Variants in RGL1 observed in about 807,000 individuals in gnomAD.
RGL1 encodes ral guanine nucleotide dissociation stimulator-like 1.
Under a neutral mutation model 95.2 loss-of-function variants are expected in RGL1, and 24 were observed. The observed-to-expected ratio is 0.25, with a 90% confidence interval of 0.18 to 0.35. The LOEUF (loss-of-function observed/expected upper bound fraction) is 0.35, where lower values mean the gene tolerates loss of function less well. Among genes scored for constraint, RGL1 ranks in the 10% least tolerant of loss-of-function variants. The pLI, the probability that RGL1 is intolerant of heterozygous loss-of-function variation, is 1.00. For synonymous variants in RGL1, 329 were observed against 344.9 expected, an observed-to-expected ratio of 0.95 and a Z score of 0.51; for missense variants, 715 against 936.3, an observed-to-expected ratio of 0.76 and a Z score of 3.08.
At chr1:183,747,639 T>C (rs917706992) in intron 2 of RGL1, among the ~76,000 whole-genome samples, 3 of 152,170 alleles carry the variant, frequency 2.0e-5, no homozygotes, top group African/African-American at 7.2e-5. Flanking sequence ...TCTACATTTA[T>C]TGATTTGCAT....
chr1:183,870,815 T>C (rs1043876250), intron 4 of RGL1, among the ~76,000 whole-genome samples: 1 of 152,196 alleles, frequency 6.6e-6, no homozygotes, highest in Non-Finnish European at 1.5e-5. Flanking sequence ...ATTTGGAAAT[T>C]TCTCTATTTG....
rs554940083 is a variant in RGL1 at position 183,812,366 on chromosome 1, T to C, written c.138+5881T>C. Among the ~76,000 whole-genome samples the C allele has an allele frequency of 2.6e-5, 4 of 152,318 alleles. No homozygotes were observed. In the South Asian group the frequency reaches 8.3e-4, roughly 32 times the overall value. On this transcript the variant is annotated intron_variant, in intron 2 of 17. Coordinates refer to ENST00000360851, the MANE Select transcript of RGL1 (RefSeq NM_001297671.3). ...GTTCTTTGGAGATTTTGGCAGTTTC[T>C]GGGTCATTTGCTAGTAAACACATCC... is the stretch of plus-strand genomic sequence containing the variant.
At chr1:183,703,532 T>G (rs529592020) in intron 1 of RGL1, among the ~76,000 whole-genome samples, 29 of 152,324 alleles carry the variant, frequency 1.9e-4, no homozygotes, top group African/African-American at 7.0e-4. Flanking sequence ...CCTTCCAGGT[T>G]TGGACTGGTA....
chr1:183,911,419 C>T (rs995533298), intron 14 of RGL1, among the ~76,000 whole-genome samples: 1 of 152,152 alleles, frequency 6.6e-6, no homozygotes, highest in Non-Finnish European at 1.5e-5. Flanking sequence ...CATTCATAAA[C>T]AGAAACCCTC....
At chr1:183,900,653 C>T (rs1667962607) in intron 11 of RGL1, among the ~76,000 whole-genome samples, 1 of 151,948 alleles carries the variant, frequency 6.6e-6, no homozygotes, top group Non-Finnish European at 1.5e-5. Context: ...TACAGGCGTG[C>T]ACCACCACGC....
At chr1:183,799,405 C>G (rs916553701) in intron 2 of RGL1, among the ~76,000 whole-genome samples, 12 of 152,158 alleles carry the variant, frequency 7.9e-5, no homozygotes, top group Admixed American at 2.0e-4. Flanking sequence ...TCCATAGTGG[C>G]TGTACCAATT....
intron 2 of RGL1, among the ~76,000 whole-genome samples, chr1:183,812,873 G>A (rs1044642183): frequency 8.5e-5 from 13 of 152,200 alleles, no homozygotes; most frequent in Non-Finnish European, 1.5e-4. Context: ...AAGGGAACCC[G>A]GTGGGAAAGG....
chr1:183,647,791 T>C (rs1174657), intron 1 of RGL1: 632,574 of 1,613,798 alleles, frequency 0.39, 126,232 homozygotes, highest in African/African-American at 0.47. Context: ...CCAAGGTCCT[T>C]GGTTTCCTGG....
intron 1 of RGL1, among the ~76,000 whole-genome samples, chr1:183,720,458 A>G: frequency 6.6e-6 from 1 of 152,200 alleles, no homozygotes; most frequent in East Asian, 1.9e-4. Flanking sequence ...CCAAAACTGT[A>G]TATGCAACCT....
intron 1 of RGL1, among the ~76,000 whole-genome samples, chr1:183,732,867 T>C (rs1246340055): frequency 6.6e-6 from 1 of 152,232 alleles, no homozygotes; most frequent in Non-Finnish European, 1.5e-5. Context: ...TCCGTTGCTA[T>C]GCAAAGCAGT....
chr1:183,787,044 A>T (rs764237002), intron 2 of RGL1, among the ~76,000 whole-genome samples: 1 of 152,236 alleles, frequency 6.6e-6, no homozygotes, highest in Non-Finnish European at 1.5e-5. Context: ...AATCTCAAAC[A>T]AACCATCCTA....
At chr1:183,849,238 A>T (rs936724493) in intron 3 of RGL1, among the ~76,000 whole-genome samples, 2 of 152,024 alleles carry the variant, frequency 1.3e-5, no homozygotes, top group Non-Finnish European at 2.9e-5. Flanking sequence ...GGTGCATGCC[A>T]CCACGCCTGG....
intron 5 of RGL1, among the ~76,000 whole-genome samples, chr1:183,882,216 A>G (rs959812602): frequency 6.6e-6 from 1 of 152,254 alleles, no homozygotes; most frequent in Non-Finnish European, 1.5e-5. Flanking sequence ...GGCATGGACT[A>G]TGCCCCAGAG....
chr1:183,716,301 G>A (rs1655620060), intron 1 of RGL1, among the ~76,000 whole-genome samples: 2 of 152,106 alleles, frequency 1.3e-5, no homozygotes, highest in Admixed American at 6.5e-5. Context: ...TTTTAGTTAG[G>A]GTAAGCTAAC....
At chr1:183,683,632 G>A (rs937114193) in intron 1 of RGL1, among the ~76,000 whole-genome samples, 17 of 152,188 alleles carry the variant, frequency 1.1e-4, no homozygotes, top group South Asian at 4.2e-4. Context: ...TGAATGTGAC[G>A]ATTATGTGTC....
intron 1 of RGL1, among the ~76,000 whole-genome samples, chr1:183,637,879 A>G (rs1649658710): frequency 2.6e-5 from 4 of 152,084 alleles, no homozygotes; most frequent in Admixed American, 2.6e-4. Flanking sequence ...GAATGGCGTT[A>G]TATAACTTAG....
At chr1:183,705,361 C>T (rs555257059) in intron 1 of RGL1, among the ~76,000 whole-genome samples, 3 of 152,012 alleles carry the variant, frequency 2.0e-5, no homozygotes, top group Non-Finnish European at 4.4e-5. Context: ...AGACCTGATG[C>T]CCCCATTCTG....
chr1:183,643,332 G>T (rs140167734), intron 1 of RGL1, among the ~76,000 whole-genome samples: 1 of 150,648 alleles, frequency 6.6e-6, no homozygotes, highest in African/African-American at 2.5e-5. Context: ...TCACTCTGTT[G>T]CCAGACTGGA....
chr1:183,794,747 A>G (rs2102387209), intron 2 of RGL1, among the ~76,000 whole-genome samples: 2 of 152,234 alleles, frequency 1.3e-5, no homozygotes, highest in South Asian at 4.1e-4. Context: ...TCCTCCCCAA[A>G]CATATTTCTC....
Sources: allele counts gnomAD v4.1 joint callset (sites outside exome capture counted in the v4.1 genomes callset), GRCh38; gene constraint gnomAD v4.1.1; transcripts MANE v1.5; gene names NCBI Gene and HGNC (gene_info 2026-07-23, HGNC 2026-07-21).